SAMD4A: variants seen among roughly 807,000 people sequenced by gnomAD.
SAMD4A encodes the protein protein Smaug homolog 1.
Under a neutral mutation model 81.3 loss-of-function variants are expected in SAMD4A, and 33 were observed. That is an observed-to-expected ratio of 0.41 (90% CI 0.31 to 0.54). SAMD4A has a LOEUF of 0.54. SAMD4A is among the 20% of genes least tolerant of loss of function. The probability of loss-of-function intolerance (pLI) is 0.37; values close to 1 mark genes in which losing one functional copy is unlikely to be tolerated. For missense variants in SAMD4A, 854 were observed against 951.1 expected, an observed-to-expected ratio of 0.90 and a Z score of 1.34; for synonymous variants, 389 against 382.1, an observed-to-expected ratio of 1.02 and a Z score of -0.21.
intron 3 of SAMD4A, among the ~76,000 whole-genome samples, chr14:54,713,918 T>G (rs2037054061): frequency 6.6e-6 from 1 of 152,182 alleles, no homozygotes; most frequent in African/African-American, 2.4e-5. Flanking sequence ...ACAAGTTACT[T>G]GACCTCTAAG....
intron 2 of SAMD4A, among the ~76,000 whole-genome samples, chr14:54,588,362 T>A (rs1187595): frequency 6.6e-6 from 1 of 151,336 alleles, no homozygotes; most frequent in Non-Finnish European, 1.5e-5. Context: ...GTATTTTTTT[T>A]TTGTTGTTGT....
At chr14:54,654,694 G>A (rs568433853) in intron 2 of SAMD4A, among the ~76,000 whole-genome samples, 3 of 152,254 alleles carry the variant, frequency 2.0e-5, no homozygotes, top group Admixed American at 1.3e-4. Context: ...CTGTACACAC[G>A]TAGCTTCAGG....
intron 8 of SAMD4A, among the ~76,000 whole-genome samples, chr14:54,766,344 T>C (rs1487065257): frequency 6.6e-6 from 1 of 151,248 alleles, no homozygotes; most frequent in Non-Finnish European, 1.5e-5. Flanking sequence ...CAGGTTACAG[T>C]AGTGAGAGAA....
At chr14:54,669,616 G>A (rs182546793) in intron 2 of SAMD4A, among the ~76,000 whole-genome samples, 6 of 151,874 alleles carry the variant, frequency 4.0e-5, no homozygotes, top group African/African-American at 9.7e-5. Context: ...GCACCACTAC[G>A]CCCGGCTAGC....
At chr14:54,698,715 A>G (rs771388118) in intron 2 of SAMD4A, among the ~76,000 whole-genome samples, 6 of 152,216 alleles carry the variant, frequency 3.9e-5, no homozygotes, top group Non-Finnish European at 8.8e-5. Flanking sequence ...CAGTGGTAGT[A>G]AACAAAAGCA....
intron 2 of SAMD4A, among the ~76,000 whole-genome samples, chr14:54,662,497 C>T (rs557994081): frequency 2.0e-5 from 3 of 151,764 alleles, no homozygotes; most frequent in Non-Finnish European, 2.9e-5. Flanking sequence ...GCAACCTCCA[C>T]CTCCCAGGTT....
At chr14:54,760,059 G>C in intron 6 of SAMD4A, 102 bp from the exon 7 acceptor site, 1 of 1,227,648 alleles carries the variant, frequency 8.1e-7, no homozygotes. Context: ...GGTACCAGCA[G>C]CCACGAATCC....
rs538787340 is a variant in SAMD4A at position 54,784,200 on chromosome 14, A to G, written c.2045-337A>G. On this transcript the variant is annotated intron_variant, in intron 11 of 12. Transcript: ENST00000554335. ...GCTGTATGAGGGTACAGAGATAACAAGGGCCTGGATCATGCGGGGCCTTAT... is the reference window on the plus strand; with the variant it reads ...GCTGTATGAGGGTACAGAGATAACAGGGGCCTGGATCATGCGGGGCCTTAT... The G allele has an allele frequency of 1.8e-5, 12 of 659,336 alleles. No homozygotes were observed. The South Asian group carries it at 2.0e-4, about 11-fold the overall frequency. The allele number at this position is 659,336 out of a possible 1,614,324, so 40.8% of individuals were successfully genotyped here. A position where few individuals can be genotyped will look rare whatever the true frequency, so the allele number is the denominator to read the frequency against.
chr14:54,580,332 A>G (rs1413617402), intron 2 of SAMD4A, among the ~76,000 whole-genome samples: 2 of 151,886 alleles, frequency 1.3e-5, no homozygotes, highest in South Asian at 2.1e-4. Context: ...TCATTTCCAG[A>G]CTCCCCCACC....
intron 12 of SAMD4A, 78 bp from the exon 13 acceptor site, chr14:54,788,838 G>A (rs2039206777): frequency 6.4e-7 from 1 of 1,573,726 alleles, no homozygotes; most frequent in Admixed American, 1.7e-5. Context: ...GGCCCACCGT[G>A]CATGGCGTTG....
Position 54,645,207 on chromosome 14 carries a change from C to T in SAMD4A, c.197-56855C>T, listed in dbSNP as rs139783280. Among the ~76,000 whole-genome samples the T allele has an allele frequency of 1.6e-3, 244 of 152,272 alleles. 3 individuals carry two copies. The East Asian group carries it at 0.027, about 17-fold the overall frequency. On this transcript the variant is annotated intron_variant, in intron 2 of 12. Transcript: ENST00000554335. The stretch of plus-strand genomic sequence containing the variant: ...TTTGGACAGTCACAGTGGCTCACAC[C>T]TACAATCCCAGGACTTTGGGAGGTT...
intron 11 of SAMD4A, among the ~76,000 whole-genome samples, chr14:54,783,576 C>A (rs1346628082): frequency 6.6e-6 from 1 of 152,248 alleles, no homozygotes; most frequent in Non-Finnish European, 1.5e-5. Context: ...GAGTGGGTGT[C>A]TCAGCCCTTG....
intron 6 of SAMD4A, chr14:54,754,725 A>G (rs910075372): frequency 3.2e-5 from 17 of 531,828 alleles, no homozygotes; most frequent in Non-Finnish European, 4.1e-5. Context: ...CCTGCCTCCC[A>G]TATTCTTACC....
intron 9 of SAMD4A, among the ~76,000 whole-genome samples, chr14:54,772,631 T>C (rs2139921921): frequency 6.6e-6 from 1 of 152,294 alleles, no homozygotes; most frequent in Admixed American, 6.5e-5. Flanking sequence ...CACAAATCAT[T>C]TTAGCATCAC....
intron 2 of SAMD4A, among the ~76,000 whole-genome samples, chr14:54,628,999 T>A (rs2034830962): frequency 6.6e-6 from 1 of 152,226 alleles, no homozygotes; most frequent in African/African-American, 2.4e-5. Context: ...CCAGTAGTTA[T>A]GAATGTGACC....
At chr14:54,688,568 C>T (rs74049563) in intron 2 of SAMD4A, among the ~76,000 whole-genome samples, 3,377 of 152,280 alleles carry the variant, frequency 0.022, 124 homozygotes, top group African/African-American at 0.077. Flanking sequence ...TTAGATGCAG[C>T]GATTGCTGCT....
chr14:54,607,049 C>T (rs1322692847), intron 2 of SAMD4A, among the ~76,000 whole-genome samples: 1 of 152,130 alleles, frequency 6.6e-6, no homozygotes, highest in East Asian at 1.9e-4. Flanking sequence ...CTTGGCCGAA[C>T]GTGGCATAAA....
intron 2 of SAMD4A, among the ~76,000 whole-genome samples, chr14:54,653,301 A>T (rs1052776464): frequency 1.5e-5 from 2 of 130,398 alleles, no homozygotes; most frequent in African/African-American, 2.9e-5. Context: ...CTTCCTCTTA[A>T]TATTATTATT....
intron 5 of SAMD4A, among the ~76,000 whole-genome samples, chr14:54,750,754 A>G (rs1417208618): frequency 6.6e-6 from 1 of 152,168 alleles, no homozygotes; most frequent in African/African-American, 2.4e-5. Context: ...TGGGGTTGGG[A>G]CCTTTAGGGA....
Sources: allele counts gnomAD v4.1 joint callset (sites outside exome capture counted in the v4.1 genomes callset), GRCh38; gene constraint gnomAD v4.1.1; transcripts MANE v1.5; gene names NCBI Gene and HGNC (gene_info 2026-07-23, HGNC 2026-07-21).